DYNC2I1: variants seen among roughly 807,000 people sequenced by gnomAD.
The protein encoded by DYNC2I1 is dynein 2 intermediate chain 1.
In DYNC2I1, 89 loss-of-function variants were observed where a neutral mutation model predicts 133.4. The ratio of observed to expected loss-of-function variants is 0.67; its 90% CI spans 0.56 to 0.80. The LOEUF is 0.80. Among genes scored for constraint, DYNC2I1 ranks in the 30% least tolerant of loss-of-function variants. DYNC2I1 has a pLI of 0.00. For missense variants in DYNC2I1, 1,291 were observed against 1,314.5 expected, an observed-to-expected ratio of 0.98 and a Z score of 0.28; for synonymous variants, 504 against 484.3, an observed-to-expected ratio of 1.04 and a Z score of -0.54.
chr7:158,861,777 T>TA (rs1181078160), intron 1 of DYNC2I1, among the ~76,000 whole-genome samples: 8 of 152,310 alleles, frequency 5.3e-5, no homozygotes, highest in Middle Eastern at 3.4e-3. Flanking sequence ...GTGAGTGAAT[T>TA]ACGGTGACTG....
Position 158,879,861 on chromosome 7 carries a change from A to G in DYNC2I1, c.751A>G (p.Lys251Glu). Residue 251 changes from lysine (K) to glutamate (E), a missense_variant, in exon 5 of 25, where the codon AAA (lysine) becomes GAA (glutamate). Transcript: ENST00000407559. ...AGAGAAAAGTAATTCATTCTCTGACAAAGGGGAAGAAAGACATAAAGAAAA... is the reference window on the plus strand; with the variant it reads ...AGAGAAAAGTAATTCATTCTCTGACGAAGGGGAAGAAAGACATAAAGAAAA... Reference protein sequence around the residue: ...SKEKSNSFSDKGEERHKEKRH... With the variant: ...SKEKSNSFSDEGEERHKEKRH... The G allele has an allele frequency of 6.2e-7, 1 of 1,613,848 alleles. No homozygotes were observed. The highest frequency in any genetic ancestry group is 2.2e-5 in the East Asian group (1 of 44,886).
downstream of DYNC2I1, among the ~76,000 whole-genome samples, chr7:158,958,088 C>T (rs1422769737): frequency 6.7e-6 from 1 of 150,260 alleles, no homozygotes; most frequent in African/African-American, 2.4e-5. Context: ...ACAGACACGC[C>T]CCAGGTCGTG....
chr7:158,928,461 G>C (rs1021829989), intron 20 of DYNC2I1, among the ~76,000 whole-genome samples: 2 of 152,214 alleles, frequency 1.3e-5, no homozygotes, highest in Non-Finnish European at 2.9e-5. Flanking sequence ...TGGAGCAAAT[G>C]CTCTGTGCCC....
At chr7:158,909,443 G>T (rs1284990377) in intron 11 of DYNC2I1, among the ~76,000 whole-genome samples, 1 of 151,950 alleles carries the variant, frequency 6.6e-6, no homozygotes, top group Admixed American at 6.6e-5. Flanking sequence ...CATTCTATCA[G>T]GTATGAAATA....
chr7:158,951,468 G>A (rs1852050837), intron 4 of DYNC2I1, among the ~76,000 whole-genome samples: 1 of 152,244 alleles, frequency 6.6e-6, no homozygotes, highest in African/African-American at 2.4e-5. Flanking sequence ...AGGCCTGGAG[G>A]TGCAGGTGCT....
chr7:158,839,977 A>T, the DYNC2I1 span, among the ~76,000 whole-genome samples: 10 of 150,872 alleles, frequency 6.6e-5, no homozygotes, highest in Non-Finnish European at 1.0e-4. Flanking sequence ...ACACCCGGCT[A>T]ATTGAAAAAA....
intron 15 of DYNC2I1, among the ~76,000 whole-genome samples, chr7:158,921,781 ACT>A (rs1357695493): frequency 6.6e-6 from 1 of 152,116 alleles, no homozygotes; most frequent in African/African-American, 2.4e-5. Flanking sequence ...CAGTTCTTTG[ACT>A]GAAGTTCTCG....
At chr7:158,954,281 A>G (rs780831946) in intron 4 of DYNC2I1, among the ~76,000 whole-genome samples, 13 of 152,202 alleles carry the variant, frequency 8.5e-5, no homozygotes, top group Non-Finnish European at 1.9e-4. Flanking sequence ...GCAGTGTGTG[A>G]ACAGACTAAT....
intron 6 of DYNC2I1, 149 bp downstream of exon 6, chr7:158,884,768 C>T (rs1844432594): frequency 1.5e-6 from 1 of 646,132 alleles, no homozygotes; most frequent in Non-Finnish European, 2.3e-6. Flanking sequence ...CCCCTTAGCC[C>T]CTCCAAATGG....
chr7:158,853,560 G>C (rs532092890), upstream of DYNC2I1, among the ~76,000 whole-genome samples: 1 of 152,092 alleles, frequency 6.6e-6, no homozygotes, highest in Admixed American at 6.5e-5. Context: ...GGTTCTCCTT[G>C]CCGGCTGCTC....
intron 7 of DYNC2I1, among the ~76,000 whole-genome samples, chr7:158,889,277 TCAC>T (rs1401015000): frequency 6.6e-6 from 1 of 152,050 alleles, no homozygotes; most frequent in African/African-American, 2.4e-5. Context: ...AGACAGGGAT[TCAC>T]CATGTTAGCC....
rs369650727 is a variant in DYNC2I1 at position 158,879,842 on chromosome 7, A to G, written c.732A>G (p.Lys244=). The change falls in exon 5 of 25, where the codon AAA becomes AAG. Residue 244 remains lysine, a synonymous_variant. Transcript: ENST00000407559. ...AAAGAGAGAAATATTCCAAAGAGAAAAGTAATTCATTCTCTGACAAAGGGG... is the reference window on the plus strand; with the variant it reads ...AAAGAGAGAAATATTCCAAAGAGAAGAGTAATTCATTCTCTGACAAAGGGG... ...REKREKYSKE[K]SNSFSDKGEE... 193 of 1,613,516 alleles carry G rather than the reference A, an allele frequency of 1.2e-4. No individual in the cohort carries two copies. Among genetic ancestry groups the G allele is most frequent in the Non-Finnish European group, 1.5e-4 (180 of 1,179,756 alleles).
chr7:158,849,339 C>T, the DYNC2I1 span, among the ~76,000 whole-genome samples: 1 of 152,224 alleles, frequency 6.6e-6, no homozygotes, highest in African/African-American at 2.4e-5. Context: ...TTTTCCCTAT[C>T]TAGAACTATC....
At chr7:158,848,850 G>A in the DYNC2I1 span, among the ~76,000 whole-genome samples, 2,392 of 151,908 alleles carry the variant, frequency 0.016, 64 homozygotes, top group African/African-American at 0.055. Context: ...CGTGAATCGC[G>A]AGGCAGAGCT....
intron 3 of DYNC2I1, among the ~76,000 whole-genome samples, chr7:158,873,570 G>T (rs1486617083): frequency 3.9e-5 from 6 of 152,230 alleles, no homozygotes; most frequent in African/African-American, 1.4e-4. Flanking sequence ...GGATGGGTTA[G>T]TTGGGTTACC....
intron 4 of DYNC2I1, among the ~76,000 whole-genome samples, chr7:158,954,737 A>G (rs1445606812): frequency 6.6e-6 from 1 of 152,252 alleles, no homozygotes; most frequent in African/African-American, 2.4e-5. Context: ...GTAAGAAAAA[A>G]TTATAGTCTC....
upstream of DYNC2I1, among the ~76,000 whole-genome samples, chr7:158,853,390 G>A (rs1481703189): frequency 2.6e-5 from 4 of 152,098 alleles, no homozygotes; most frequent in Admixed American, 2.6e-4. Flanking sequence ...CTTTAAGTCT[G>A]GTAAGAAGCA....
At chr7:158,869,981 T>TAC in intron 2 of DYNC2I1, 73 bp downstream of exon 2, 1 of 1,314,324 alleles carries the variant, frequency 7.6e-7, no homozygotes, top group Non-Finnish European at 1.1e-6. Flanking sequence ...CTTTACCTGG[T>TAC]ACACAACACT....
intron 13 of DYNC2I1, 36 bp from the exon 14 acceptor site, chr7:158,914,197 C>A (rs375093369): frequency 6.5e-7 from 1 of 1,544,216 alleles, no homozygotes; most frequent in South Asian, 1.2e-5. Context: ...ATTTTAGAGT[C>A]GACTTCGTTG....
Sources: allele counts gnomAD v4.1 joint callset (sites outside exome capture counted in the v4.1 genomes callset), GRCh38; gene constraint gnomAD v4.1.1; transcripts MANE v1.5; gene names NCBI Gene and HGNC (gene_info 2026-07-23, HGNC 2026-07-21).